RASGRF1: variants seen among roughly 807,000 people sequenced by gnomAD.
RASGRF1 encodes the protein ras-specific guanine nucleotide-releasing factor 1.
RASGRF1 carries 40 observed loss-of-function variants against 138.7 expected under a neutral mutation model. The ratio of observed to expected loss-of-function variants is 0.29; its 90% CI spans 0.22 to 0.38. The LOEUF is 0.38. RASGRF1 is among the 10% of genes least tolerant of loss of function. The pLI, the probability that RASGRF1 is intolerant of heterozygous loss-of-function variation, is 1.00. For missense variants in RASGRF1, 1,108 were observed against 1,650.4 expected, an observed-to-expected ratio of 0.67 and a Z score of 5.69; for synonymous variants, 614 against 663.2, an observed-to-expected ratio of 0.93 and a Z score of 1.14.
chr15:79,020,133 G>A, intron 10 of RASGRF1, 29 bp from the exon 11 acceptor site: 1 of 1,606,200 alleles, frequency 6.2e-7, no homozygotes, highest in South Asian at 1.1e-5. Flanking sequence ...GGCTGCTTTG[G>A]ATTGAGGGGT....
chr15:78,968,003 T>C (rs1474048931), intron 26 of RASGRF1, among the ~76,000 whole-genome samples: 1 of 152,232 alleles, frequency 6.6e-6, no homozygotes, highest in African/African-American at 2.4e-5. Context: ...TATAGCTGTT[T>C]TTTAAAATCC....
Position 78,962,322 on chromosome 15 carries a change from C to T in RASGRF1, c.3682-86G>A, listed in dbSNP as rs941719331. 6 of 982,038 alleles carry T rather than the reference C, an allele frequency of 6.1e-6. No homozygotes were observed. In the African/African-American group the frequency reaches 6.5e-5, roughly 11 times the overall value. The allele number at this position is 982,038 out of a possible 1,614,324, so 60.8% of individuals were successfully genotyped here. On this transcript the variant is annotated intron_variant, in intron 26 of 26. Coordinates refer to ENST00000558480, the MANE Select transcript of RASGRF1 (RefSeq NM_001145648.3). Reference sequence around the variant, plus strand: ...TGGATGCACTTTATCTCCTAGGGCCCAAGCCTCTTACTGTGGAGAGTCAGG... The same window carrying T: ...TGGATGCACTTTATCTCCTAGGGCCTAAGCCTCTTACTGTGGAGAGTCAGG...
At chr15:79,003,089 G>A (rs1345972851) in intron 15 of RASGRF1, among the ~76,000 whole-genome samples, 1 of 152,152 alleles carries the variant, frequency 6.6e-6, no homozygotes, top group Non-Finnish European at 1.5e-5. Flanking sequence ...GCCTGTCCTG[G>A]AATCATCTCC....
chr15:78,970,007 C>T (rs572970000), intron 26 of RASGRF1, among the ~76,000 whole-genome samples: 22 of 152,230 alleles, frequency 1.4e-4, no homozygotes, highest in African/African-American at 2.4e-4. Context: ...TTTTCTCCTT[C>T]GATACGGCTA....
At chr15:78,970,567 G>A (rs1249219531) in intron 26 of RASGRF1, among the ~76,000 whole-genome samples, 10 of 141,420 alleles carry the variant, frequency 7.1e-5, no homozygotes, top group African/African-American at 2.1e-4. Context: ...AGGTTGCAGC[G>A]AGCCAAGATT....
At chr15:79,004,987 C>T (rs2056638563) in intron 14 of RASGRF1, 1 of 985,512 alleles carries the variant, frequency 1.0e-6, no homozygotes. Context: ...CTGAACCAGC[C>T]TCTTTGTTCT....
chr15:79,000,062 G>C, intron 16 of RASGRF1, 149 bp from the exon 17 acceptor site: 1 of 770,990 alleles, frequency 1.3e-6, no homozygotes. Flanking sequence ...GTGCTGGTGT[G>C]TGTGTGTGTC....
At chr15:79,001,116 C>A (rs911955515) in intron 16 of RASGRF1, among the ~76,000 whole-genome samples, 2 of 152,146 alleles carry the variant, frequency 1.3e-5, no homozygotes, top group African/African-American at 2.4e-5. Flanking sequence ...TCTGGGACTG[C>A]GGGTGAGCAA....
At chr15:79,076,284 G>C (rs1235579875) in intron 1 of RASGRF1, among the ~76,000 whole-genome samples, 18 of 151,438 alleles carry the variant, frequency 1.2e-4, no homozygotes, top group Non-Finnish European at 4.4e-5. Context: ...TTAAAACAGA[G>C]TGGTGGGTGG....
chr15:79,023,920 C>T (rs972794587), intron 10 of RASGRF1, among the ~76,000 whole-genome samples: 20 of 151,964 alleles, frequency 1.3e-4, no homozygotes, highest in African/African-American at 4.4e-4. Flanking sequence ...CACACACAGA[C>T]ACAGACACAC....
chr15:78,969,331 G>A (rs938647408), intron 26 of RASGRF1, among the ~76,000 whole-genome samples: 1 of 152,166 alleles, frequency 6.6e-6, no homozygotes, highest in Non-Finnish European at 1.5e-5. Context: ...CAAACACTTG[G>A]ATGCATAATA....
chr15:79,021,074 C>T (rs944397794), intron 10 of RASGRF1, among the ~76,000 whole-genome samples: 2 of 152,158 alleles, frequency 1.3e-5, no homozygotes, highest in African/African-American at 4.8e-5. Context: ...AAAAGGATAC[C>T]CCGGCCCCAG....
chr15:79,076,292 TGGGGA>T (rs2057832583), intron 1 of RASGRF1, among the ~76,000 whole-genome samples: 1 of 113,746 alleles, frequency 8.8e-6, no homozygotes, highest in African/African-American at 3.3e-5. Context: ...GAGTGGTGGG[TGGGGA>T]GGGGAGGGGA....
intron 15 of RASGRF1, 26 bp from the exon 16 acceptor site, chr15:79,001,813 T>C: frequency 7.3e-7 from 1 of 1,366,898 alleles, no homozygotes; most frequent in Non-Finnish European, 9.6e-7. Context: ...TAAATAATTT[T>C]ACTTTTCTTA....
chr15:79,053,473 A>G (rs1029697076), intron 3 of RASGRF1, among the ~76,000 whole-genome samples: 3 of 152,224 alleles, frequency 2.0e-5, no homozygotes, highest in African/African-American at 2.4e-5. Flanking sequence ...GGAGAGAAAT[A>G]GCTATTAAGA....
intron 22 of RASGRF1, 140 bp downstream of exon 22, chr15:78,990,049 C>T (rs1050758897): frequency 2.7e-6 from 2 of 738,048 alleles, no homozygotes; most frequent in Non-Finnish European, 4.8e-6. Flanking sequence ...AGCCCGAGGC[C>T]ACATGGCAAG....
intron 23 of RASGRF1, among the ~76,000 whole-genome samples, chr15:78,983,540 A>G (rs1483115842): frequency 1.3e-5 from 2 of 152,202 alleles, no homozygotes; most frequent in Non-Finnish European, 2.9e-5. Flanking sequence ...TGGGGTGGGA[A>G]ACTGAAGCCT....
At chr15:78,980,763 T>C (rs2056008052) in intron 23 of RASGRF1, 64 bp from the exon 24 acceptor site, 2 of 1,268,044 alleles carry the variant, frequency 1.6e-6, no homozygotes, top group South Asian at 1.3e-5. Flanking sequence ...GGCCCGGGGA[T>C]CAGGCCCACA....
chr15:78,982,707 C>T (rs1362452216), intron 23 of RASGRF1, among the ~76,000 whole-genome samples: 2 of 152,094 alleles, frequency 1.3e-5, no homozygotes, highest in African/African-American at 4.8e-5. Context: ...GTTCACCAAG[C>T]AGAGGACTTC....
Sources: gnomAD v4.1 joint callset for allele counts (sites outside exome capture counted in the v4.1 genomes callset) on GRCh38, gnomAD v4.1.1 for gene constraint, MANE v1.5 for transcripts, NCBI Gene and HGNC (gene_info 2026-07-23, HGNC 2026-07-21) for gene names.